The following GABRD variants were observed in gnomAD, a reference collection of about 807,000 sequenced individuals.
GABRD encodes the protein gamma-aminobutyric acid receptor subunit delta.
A neutral mutation model predicts 47.3 loss-of-function variants in GABRD; 25 were observed. That is an observed-to-expected ratio of 0.53 (90% CI 0.39 to 0.74). The LOEUF is 0.74. Among genes scored for constraint, GABRD ranks in the 30% least tolerant of loss-of-function variants. The pLI, the probability that GABRD is intolerant of heterozygous loss-of-function variation, is 0.00. For missense variants in GABRD, 497 were observed against 643.4 expected (o/e 0.77, Z 2.46); for synonymous variants, 314 against 278.8 (o/e 1.13, Z -1.26).
chr1:2,025,272 C>A, intron 2 of GABRD, 62 bp from the exon 3 acceptor site: 2 of 1,583,914 alleles, frequency 1.3e-6, no homozygotes, highest in South Asian at 1.1e-5. Flanking sequence ...CCGGCAGGGT[C>A]CCATCGTGGC....
In GABRD at chr1:2,030,140, C is replaced by A; in HGVS notation, c.1217C>A (p.Ala406Glu). The A allele has an allele frequency of 6.3e-7, 1 of 1,577,670 alleles. No individual in the cohort carries two copies. Among genetic ancestry groups the A allele is most frequent in the East Asian group, 2.2e-5 (1 of 44,460 alleles). The change falls in exon 9 of 9, where the codon GCA becomes GAA. Residue 406 changes from alanine (A) to glutamate (E), a missense_variant. Ala to Glu is a moderately radical substitution (Grantham distance 107). Transcript: ENST00000378585. ...VETGETKKEG[A>E]ARSGGQGGIR... ...ACAGGGGAGACGAAGAAGGAGGGGG[C>A]AGCCCGCTCAGGAGGCCAGGGGGGC...
chr1:2,029,274 G>T lies in GABRD; in HGVS notation c.847+8G>T. 3.2e-6 allele frequency: 5 copies of T among 1,552,076 alleles called. No individual in the cohort carries two copies. Among genetic ancestry groups the T allele is most frequent in the Non-Finnish European group, 4.3e-6 (5 of 1,150,782 alleles). The stretch of plus-strand genomic sequence containing the variant: ...CCGCCAGGGTGTCTCTAGGTACGGG[G>T]CCTCGCCGCTGCTCCGAGGGAGCTG... On this transcript the variant is annotated splice_region_variant and intron_variant, in intron 7 of 8. Transcript: ENST00000378585.
chr1:2,025,848 C>A, intron 4 of GABRD, 110 bp downstream of exon 4: 1 of 972,622 alleles, frequency 1.0e-6, no homozygotes, highest in South Asian at 1.6e-5. Flanking sequence ...CTGCCGGGAG[C>A]TGGCGGGCGG....
In GABRD at chr1:2,028,178, G is replaced by T. The variant is rs143115257; in HGVS notation, c.577G>T (p.Val193Phe). 1.2e-6 allele frequency: 2 copies of T among 1,612,320 alleles called. No homozygotes were observed. Among genetic ancestry groups the T allele is most frequent in the Non-Finnish European group, 1.7e-6 (2 of 1,179,696 alleles). Residue 193 changes from valine (V) to phenylalanine (F), a missense_variant, in exon 6 of 9, where the codon GTC (valine) becomes TTC (phenylalanine). By Grantham distance (50) the Val-to-Phe change is conservative (BLOSUM62 -1). This residue lies in a region of GABRD where 285 missense variants were observed against 436.6 expected (regional missense o/e 0.65). Coordinates refer to ENST00000378585, the MANE Select transcript of GABRD (RefSeq NM_000815.5). The surrounding 1 kb of genome is among the most constrained non-coding windows in gnomAD (Gnocchi z 6.4). ...AGACGGTTACTCATCGGAGGACATCGTCTACTACTGGTCGGAGAGCCAGGA... is the reference window on the plus strand; with the variant it reads ...AGACGGTTACTCATCGGAGGACATCTTCTACTACTGGTCGGAGAGCCAGGA... ...ESYGYSSEDI[V>F]YYWSESQEHI...
chr1:2,024,039 C>T (rs1470605155), intron 1 of GABRD: 1 of 152,454 alleles, frequency 6.6e-6, no homozygotes, highest in African/African-American at 2.4e-5. Flanking sequence ...CAGGCTTCTT[C>T]CCTCTTCTCT....
At chr1:2,020,183 GC>G (rs1355098601) in intron 1 of GABRD, among the ~76,000 whole-genome samples, 1 of 152,214 alleles carries the variant, frequency 6.6e-6, no homozygotes. Context: ...CGGGGCTGGA[GC>G]CCCCTCTGGC....
At position 2,030,139 on chromosome 1, in the gene GABRD, G is replaced by A. The variant is rs1659047869; in HGVS notation, c.1216G>A (p.Ala406Thr). Residue 406 changes from alanine (A) to threonine (T), a missense_variant, in exon 9 of 9, where the codon GCA becomes ACA. Around this residue, in one of 3 missense-constraint regions of GABRD, gnomAD observed 121 missense variants for 121.3 expected, o/e 1.00. Coordinates refer to ENST00000378585, the MANE Select transcript of GABRD (RefSeq NM_000815.5). ...VETGETKKEG[A>T]ARSGGQGGIR... ...GACAGGGGAGACGAAGAAGGAGGGG[G>A]CAGCCCGCTCAGGAGGCCAGGGGGG... 3 of 1,579,076 alleles carry A rather than the reference G, an allele frequency of 1.9e-6. No homozygotes were observed. The highest frequency in any genetic ancestry group is 4.5e-5 in the East Asian group (2 of 44,484).
Position 2,029,180 on chromosome 1 carries a change from C to G in GABRD, c.761C>G (p.Ser254Cys). 1 of 1,559,776 alleles carries G rather than the reference C, an allele frequency of 6.4e-7. No individual in the cohort carries two copies. The highest frequency in any genetic ancestry group is 8.7e-7 in the Non-Finnish European group (1 of 1,153,710). ...RRNRGVYIIQ[S>C]YMPSVLLVAM... is the part of the protein sequence containing the mutation. ...AACCGCGGCGTGTACATCATCCAAT[C>G]CTACATGCCCTCCGTCCTGCTGGTC... Residue 254 changes from serine (S) to cysteine (C), a missense_variant, in exon 7 of 9, where the codon TCC becomes TGC. Ser to Cys is a moderately radical substitution (Grantham distance 112). Transcript: ENST00000378585.
rs573136542 is a variant in GABRD at position 2,019,992 on chromosome 1, G to C, written c.68+501G>C. On this transcript the variant is annotated intron_variant, in intron 1 of 8. Transcript: ENST00000378585. ...CGGAGGAGGCTGTCTCGCTGTGGAGGGTGGGCCCGGCCTCCGGGGTCTCCT... is the reference window on the plus strand; with the variant it reads ...CGGAGGAGGCTGTCTCGCTGTGGAGCGTGGGCCCGGCCTCCGGGGTCTCCT... Among the ~76,000 whole-genome samples the C allele has an allele frequency of 3.7e-4, 56 of 152,362 alleles. No individual in the cohort carries two copies. In the South Asian group the frequency reaches 0.012, roughly 32 times the overall value.
chr1:2,029,521 TACG>T (rs1557448366), intron 7 of GABRD, 27 bp from the exon 8 acceptor site: 1 of 1,609,020 alleles, frequency 6.2e-7, no homozygotes, highest in Non-Finnish European at 8.5e-7. Flanking sequence ...AGGGCAGGGC[TACG>T]ACAATGGCAC....
chr1:2,027,545 C>A, intron 4 of GABRD, 32 bp from the exon 5 acceptor site: 2 of 1,596,028 alleles, frequency 1.3e-6, no homozygotes, highest in East Asian at 2.3e-5. Flanking sequence ...GGCCTCACCC[C>A]CAAGGCCTCA....
chr1:2,027,192 A>C, intron 4 of GABRD: 1 of 335,322 alleles, frequency 3.0e-6, no homozygotes. Flanking sequence ...GGGATATTTT[A>C]CATAGGAATT....
At position 2,028,408 on chromosome 1, in the gene GABRD, T is replaced by A. The variant is rs1331968893; in HGVS notation, c.691+116T>A. On this transcript the variant is annotated intron_variant, in intron 6 of 8. Transcript: ENST00000378585. This position sits in a 1 kb window ranked among gnomAD's most constrained non-coding sequence, Gnocchi z 6.4. ...CGCGTGCGCCCGCCTGTGGTTTTCA[T>A]GCTTTTTAGTCAAGCGCCCGCAGGC... is the stretch of plus-strand genomic sequence containing the variant. 5 of 1,190,738 alleles carry A rather than the reference T, an allele frequency of 4.2e-6. No individual in the cohort carries two copies. The highest frequency in any genetic ancestry group is 5.4e-6 in the Non-Finnish European group (5 of 928,530). 73.8% of individuals were successfully genotyped at this position (1,190,738 alleles called of 1,614,324 possible). A position where few individuals can be genotyped will look rare whatever the true frequency, so the allele number is the denominator to read the frequency against.
Position 2,025,509 on chromosome 1 carries a change from C to T in GABRD, c.250-9C>T. On this transcript the variant is annotated splice_polypyrimidine_tract_variant and intron_variant, in intron 3 of 8. Transcript: ENST00000378585. ...AGGCTGACCCCCGGCCCCTGTGCCACCTCCACAGGAGTACACCATGACGGT... is the reference window on the plus strand; with the variant it reads ...AGGCTGACCCCCGGCCCCTGTGCCATCTCCACAGGAGTACACCATGACGGT... 1 of 1,612,194 alleles carries T rather than the reference C, an allele frequency of 6.2e-7. No homozygotes were observed. Among genetic ancestry groups the T allele is most frequent in the Non-Finnish European group, 8.5e-7 (1 of 1,179,252 alleles).
At chr1:2,027,083 G>A (rs752793131) in intron 4 of GABRD, 1 of 221,398 alleles carries the variant, frequency 4.5e-6, no homozygotes, top group Non-Finnish European at 9.0e-6. Flanking sequence ...CCCACCTCAA[G>A]CCCCGGGGGG....
At position 2,024,923 on chromosome 1, in the gene GABRD, G is replaced by A. The variant is rs2376805; in HGVS notation, c.69-19G>A. On this transcript the variant is annotated intron_variant, in intron 1 of 8. Coordinates refer to ENST00000378585, the MANE Select transcript of GABRD (RefSeq NM_000815.5). ...AAATTAAGTCCTGGCCTGTCTGACCGGTGGCTTTGCATCCCCAGAGCGATG... is the reference window on the plus strand; with the variant it reads ...AAATTAAGTCCTGGCCTGTCTGACCAGTGGCTTTGCATCCCCAGAGCGATG... 0.82 allele frequency: 1,286,049 copies of A among 1,568,616 alleles called. 528,265 individuals are homozygous for A. The highest frequency in any genetic ancestry group is 0.85 in the Middle Eastern group (5,050 of 5,976).
At position 2,029,537 on chromosome 1, in the gene GABRD, C is replaced by T. The variant is rs750156130; in HGVS notation, c.848-14C>T. ...GGGCAGGGCTACGACAATGGCACCA[C>T]CTGTGCCCGGCAGGCATCACCACGG... On this transcript the variant is annotated splice_polypyrimidine_tract_variant and intron_variant, in intron 7 of 8. Transcript: ENST00000378585. 53 of 1,611,396 alleles carry T rather than the reference C, an allele frequency of 3.3e-5. No individual in the cohort carries two copies. Among genetic ancestry groups the T allele is most frequent in the Non-Finnish European group, 4.0e-5 (47 of 1,179,878 alleles).
rs1346820589 is a variant in GABRD at position 2,028,774 on chromosome 1, T to C, written c.692-337T>C. 8.5e-6 allele frequency: 3 copies of C among 352,700 alleles called. No homozygotes were observed. Among genetic ancestry groups the C allele is most frequent in the Non-Finnish European group, 1.6e-5 (3 of 192,826 alleles). 21.8% of individuals were successfully genotyped at this position (352,700 alleles called of 1,614,324 possible). A position where few individuals can be genotyped will look rare whatever the true frequency, so the allele number is the denominator to read the frequency against. The stretch of plus-strand genomic sequence containing the variant: ...GCTGGCTCCTTCCAGAGCCTGGCTG[T>C]GCCCGCAGGAGTGTTAGGAGAGAAA... On this transcript the variant is annotated intron_variant, in intron 6 of 8. Transcript: ENST00000378585. The surrounding 1 kb of genome is among the most constrained non-coding windows in gnomAD (Gnocchi z 6.4).
At position 2,030,089 on chromosome 1, in the gene GABRD, G is replaced by C. The variant is rs372742962; in HGVS notation, c.1166G>C (p.Gly389Ala). ...RQRRVPGNLM[G>A]SYRSVGVETG... Reference sequence around the variant, plus strand: ...CGCCGCGTCCCGGGGAACCTGATGGGCTCCTACAGGTCGGTGGGGGTGGAG... The same window carrying C: ...CGCCGCGTCCCGGGGAACCTGATGGCCTCCTACAGGTCGGTGGGGGTGGAG... The change falls in exon 9 of 9, where the codon GGC becomes GCC. Residue 389 changes from glycine (G) to alanine (A), a missense_variant. By Grantham distance (60) the Gly-to-Ala change is moderately conservative. This residue lies in a region of GABRD where 121 missense variants were observed against 121.3 expected (regional missense o/e 1.00). Transcript: ENST00000378585. The C allele has an allele frequency of 4.7e-5, 75 of 1,603,762 alleles. 1 individual carries two copies. The African/African-American group carries it at 6.7e-4, about 14-fold the overall frequency.
Sources: gnomAD v4.1 joint callset for allele counts (sites outside exome capture counted in the v4.1 genomes callset) on GRCh38, gnomAD v4.1.1 for gene constraint, gnomAD v4.1.1 regional missense constraint, Gnocchi (gnomAD v3.1) non-coding constraint, MANE v1.5 for transcripts, NCBI Gene and HGNC (gene_info 2026-07-23, HGNC 2026-07-21) for gene names.